The following THSD7A variants were observed in gnomAD, a reference collection of about 807,000 sequenced individuals.
The protein encoded by THSD7A is thrombospondin type-1 domain-containing protein 7A.
Under a neutral mutation model 231.3 loss-of-function variants are expected in THSD7A, and 96 were observed. The ratio of observed to expected loss-of-function variants is 0.41; its 90% CI spans 0.35 to 0.49. THSD7A has a LOEUF of 0.49. Among genes scored for constraint, THSD7A ranks in the 20% least tolerant of loss-of-function variants. The probability of loss-of-function intolerance (pLI) is 0.05; values close to 1 mark genes in which losing one functional copy is unlikely to be tolerated. For missense variants in THSD7A, 2,290 were observed against 2,070.2 expected, an observed-to-expected ratio of 1.11 and a Z score of -2.06; for synonymous variants, 940 against 743.3, an observed-to-expected ratio of 1.26 and a Z score of -4.30.
chr7:11,763,758 C>G (rs1322501547), intron 1 of THSD7A, among the ~76,000 whole-genome samples: 1 of 152,022 alleles, frequency 6.6e-6, no homozygotes, highest in Non-Finnish European at 1.5e-5. Flanking sequence ...TCCTGCCTTT[C>G]TAGGAAAATG....
chr7:11,496,557 T>A (rs1285404722), intron 6 of THSD7A, among the ~76,000 whole-genome samples: 1 of 152,118 alleles, frequency 6.6e-6, no homozygotes, highest in Non-Finnish European at 1.5e-5. Context: ...CAAATTATCG[T>A]TACAGAGATG....
At chr7:11,728,143 C>A (rs751213176) in intron 1 of THSD7A, among the ~76,000 whole-genome samples, 1 of 151,908 alleles carries the variant, frequency 6.6e-6, no homozygotes, top group Non-Finnish European at 1.5e-5. Context: ...TGTTTTCCAG[C>A]TGTTTCATGT....
At chr7:11,798,750 C>T (rs1315162216) in intron 1 of THSD7A, among the ~76,000 whole-genome samples, 1 of 151,828 alleles carries the variant, frequency 6.6e-6, no homozygotes, top group East Asian at 1.9e-4. Flanking sequence ...TTTATTTTTG[C>T]AAATCAAAAA....
chr7:11,699,066 G>T (rs1481875431), intron 1 of THSD7A, among the ~76,000 whole-genome samples: 1 of 149,096 alleles, frequency 6.7e-6, no homozygotes, highest in African/African-American at 2.5e-5. Context: ...TCCAAATACA[G>T]CACTTTTTTT....
chr7:11,411,265 C>T lies in THSD7A; in HGVS notation c.3740G>A (p.Arg1247Lys). The change falls in exon 19 of 28, where the codon AGG becomes AAG. Residue 1247 changes from arginine to lysine, a missense_variant. Arg to Lys is a conservative substitution (Grantham distance 26, BLOSUM62 2). Transcript: ENST00000423059. This position sits in a 1 kb window ranked among gnomAD's most constrained non-coding sequence, Gnocchi z 4.1. ...ATCACTTCGAACACAATCCAACATC[C>T]TTGTTTTTATTCCATTTCCACAAAC... ...KAVCGNGIKTRMLDCVRSDGK... is the reference protein window; with the variant it reads ...KAVCGNGIKTKMLDCVRSDGK... 1.9e-6 allele frequency: 3 copies of T among 1,613,910 alleles called. No homozygotes were observed. The highest frequency in any genetic ancestry group is 2.5e-6 in the Non-Finnish European group (3 of 1,179,834).
At chr7:11,680,011 G>A (rs1268968452) in intron 1 of THSD7A, among the ~76,000 whole-genome samples, 2 of 151,346 alleles carry the variant, frequency 1.3e-5, no homozygotes, top group Non-Finnish European at 2.9e-5. Context: ...TAGACCAATG[G>A]AACGTAACAG....
At chr7:11,692,024 G>A (rs896606089) in intron 1 of THSD7A, among the ~76,000 whole-genome samples, 6 of 151,510 alleles carry the variant, frequency 4.0e-5, no homozygotes, top group African/African-American at 1.5e-4. Context: ...AAGACTGTGT[G>A]AGTTATAAAG....
Position 11,474,039 on chromosome 7 carries a change from T to TA in THSD7A, c.2252+294dup, listed in dbSNP as rs1786047147. ...ACTGTCATTATTGATCAGCCAGGCT[T>TA]ACGGCAAGCACTTCTTTCATTGCCT... On this transcript the variant is annotated intron_variant, in intron 8 of 27. Coordinates refer to ENST00000423059, the MANE Select transcript of THSD7A (RefSeq NM_015204.3). This position sits in a 1 kb window ranked among gnomAD's most constrained non-coding sequence, Gnocchi z 4.1. Among the ~76,000 whole-genome samples the TA allele has an allele frequency of 6.6e-6, 1 of 152,164 alleles. No homozygotes were observed.
At chr7:11,666,794 C>T (rs1162390350) in intron 1 of THSD7A, among the ~76,000 whole-genome samples, 2 of 151,518 alleles carry the variant, frequency 1.3e-5, no homozygotes, top group East Asian at 1.9e-4. Flanking sequence ...AACGTGGAGG[C>T]TGATATTCCA....
At chr7:11,681,200 A>G (rs1783855940) in intron 1 of THSD7A, among the ~76,000 whole-genome samples, 1 of 151,874 alleles carries the variant, frequency 6.6e-6, no homozygotes, top group Non-Finnish European at 1.5e-5. Flanking sequence ...GGGGTCAGTC[A>G]GGGGGTGGGG....
chr7:11,812,847 T>C (rs1784572852), intron 1 of THSD7A, among the ~76,000 whole-genome samples: 1 of 152,184 alleles, frequency 6.6e-6, no homozygotes, highest in South Asian at 2.1e-4. Context: ...GGCTGCTGGT[T>C]TTAAACTAAG....
rs1783987411 is a variant in THSD7A, at chr7:11,792,495, G to A, written c.190+39262C>T. Reference sequence around the variant, plus strand: ...ATCTTGCACCAAGCCTTATAGTGGGGACAATCTAATCACAGCTCCACCACA... The same window carrying A: ...ATCTTGCACCAAGCCTTATAGTGGGAACAATCTAATCACAGCTCCACCACA... On this transcript the variant is annotated intron_variant, in intron 1 of 27. Transcript: ENST00000423059. Among the ~76,000 whole-genome samples the A allele has an allele frequency of 3.3e-5, 5 of 151,854 alleles. No homozygotes were observed. The South Asian group carries it at 1.0e-3, about 32-fold the overall frequency.
At chr7:11,745,842 C>T (rs980664054) in intron 1 of THSD7A, among the ~76,000 whole-genome samples, 1 of 152,074 alleles carries the variant, frequency 6.6e-6, no homozygotes, top group Admixed American at 6.6e-5. Context: ...GTTTTGGTTA[C>T]TGTAGCCTTC....
At chr7:11,571,671 T>A (rs779513940) in intron 4 of THSD7A, among the ~76,000 whole-genome samples, 3 of 152,224 alleles carry the variant, frequency 2.0e-5, no homozygotes, top group Non-Finnish European at 4.4e-5. Context: ...TCATGCTCAC[T>A]TTTGAAGACT....
rs188289932 is a variant in THSD7A at position 11,511,157 on chromosome 7, A to C, written c.1823-29175T>G. Among the ~76,000 whole-genome samples the C allele has an allele frequency of 2.0e-3, 312 of 152,312 alleles. 2 individuals carry two copies. Among genetic ancestry groups the C allele is most frequent in the Non-Finnish European group, 2.7e-3 (181 of 68,028 alleles). On this transcript the variant is annotated intron_variant, in intron 6 of 27. Coordinates refer to ENST00000423059, the MANE Select transcript of THSD7A (RefSeq NM_015204.3). ...GCCAATAACAGACAAGCAGAGAGCC[A>C]AATCATCAGTGGACTCCCATTCACA...
At chr7:11,746,111 G>C (rs1782290977) in intron 1 of THSD7A, among the ~76,000 whole-genome samples, 1 of 151,276 alleles carries the variant, frequency 6.6e-6, no homozygotes, top group Non-Finnish European at 1.5e-5. Context: ...TGGATACCAG[G>C]TTTAATCAAC....
At chr7:11,612,133 T>G (rs911624326) in intron 2 of THSD7A, among the ~76,000 whole-genome samples, 1 of 152,146 alleles carries the variant, frequency 6.6e-6, no homozygotes, top group African/African-American at 2.4e-5. Flanking sequence ...CCAAAGGTTC[T>G]ACTGAATCGC....
intron 13 of THSD7A, among the ~76,000 whole-genome samples, chr7:11,429,379 A>G (rs1784413874): frequency 6.6e-6 from 1 of 152,180 alleles, no homozygotes; most frequent in Admixed American, 6.6e-5. Context: ...ATATTTCAAC[A>G]TTTCTGACTG....
chr7:11,401,839 T>C lies in THSD7A; in HGVS notation c.4367A>G (p.Gln1456Arg). Reference sequence around the variant, plus strand: ...TAACATCTGCTCTGGGCACAGATGCTGATTCTCTAGTTCTTGTATAATCAC... The same window carrying C: ...TAACATCTGCTCTGGGCACAGATGCCGATTCTCTAGTTCTTGTATAATCAC... ...RPVIIQELEN[Q>R]HLCPEQMLET... The change falls in exon 23 of 28, where the codon CAG becomes CGG. Residue 1456 changes from glutamine (Q) to arginine (R), a missense_variant. By Grantham distance (43) the Gln-to-Arg change is conservative. Transcript: ENST00000423059. The C allele has an allele frequency of 6.8e-6, 11 of 1,613,972 alleles. No individual in the cohort carries two copies. Among genetic ancestry groups the C allele is most frequent in the Non-Finnish European group, 9.3e-6 (11 of 1,179,868 alleles).
Sources: gnomAD v4.1 joint callset for allele counts (sites outside exome capture counted in the v4.1 genomes callset) on GRCh38, gnomAD v4.1.1 for gene constraint, Gnocchi (gnomAD v3.1) non-coding constraint, MANE v1.5 for transcripts, NCBI Gene and HGNC (gene_info 2026-07-23, HGNC 2026-07-21) for gene names.